EYS: variants seen among roughly 807,000 people sequenced by gnomAD.
The protein encoded by EYS is protein eyes shut homolog.
A neutral mutation model predicts 282.1 loss-of-function variants in EYS; 250 were observed. That is an observed-to-expected ratio of 0.89 (90% confidence interval 0.80 to 0.98). EYS has a LOEUF of 0.98. EYS is among the 50% of genes least tolerant of loss of function. The probability of loss-of-function intolerance (pLI) is 0.00; values close to 1 mark genes in which losing one functional copy is unlikely to be tolerated. For synonymous variants in EYS, 1,355 were observed against 1,282.9 expected (o/e 1.06, Z -1.20); for missense variants, 4,016 against 3,709.0 (o/e 1.08, Z -2.15).
chr6:65,579,340 G>A (rs1366068270), intron 2 of EYS, among the ~76,000 whole-genome samples: 1 of 152,070 alleles, frequency 6.6e-6, no homozygotes, highest in Non-Finnish European at 1.5e-5. Context: ...TGAAGAAAAG[G>A]GGGAATATAA....
Position 63,778,093 on chromosome 6 carries a change from C to T in EYS, c.7811G>A (p.Arg2604His), listed in dbSNP as rs368798160. 1.8e-5 allele frequency: 28 copies of T among 1,551,600 alleles called. No individual in the cohort carries two copies. Among genetic ancestry groups the T allele is most frequent in the African/African-American group, 8.2e-5 (6 of 73,068 alleles). ...AGAAGCATGACACTGGCCAACACTG[C>T]GTCCAGCATTTGGGTGGCCCTCAGG... is the stretch of plus-strand genomic sequence containing the variant. ...GNPEGHPNAG[R>H]SVGQCHASPC... Residue 2604 changes from arginine to histidine, a missense_variant, in exon 40 of 43, where the codon CGC becomes CAC. Coordinates refer to ENST00000503581, the MANE Select transcript of EYS (RefSeq NM_001142800.2).
chr6:65,294,089 G>A (rs1562077632), intron 12 of EYS, among the ~76,000 whole-genome samples: 1 of 151,686 alleles, frequency 6.6e-6, no homozygotes, highest in Non-Finnish European at 1.5e-5. Flanking sequence ...GGTGGAAACG[G>A]AGAAATCAGA....
intron 15 of EYS, among the ~76,000 whole-genome samples, chr6:64,919,111 A>G (rs964306104): frequency 6.6e-6 from 1 of 152,186 alleles, no homozygotes; most frequent in Non-Finnish European, 1.5e-5. Context: ...AGATTAGAGT[A>G]AGCATGTGGT....
intron 33 of EYS, among the ~76,000 whole-genome samples, chr6:64,047,716 T>G (rs771753219): frequency 9.9e-5 from 15 of 152,168 alleles, no homozygotes; most frequent in Non-Finnish European, 1.8e-4. Context: ...GTGAGGTGGA[T>G]ACTGCTATTA....
At chr6:65,439,152 T>C (rs944350550) in intron 5 of EYS, among the ~76,000 whole-genome samples, 5 of 152,170 alleles carry the variant, frequency 3.3e-5, no homozygotes, top group Non-Finnish European at 5.9e-5. Context: ...TTTGTCAAAT[T>C]CAGATGGTTG....
chr6:65,555,772 C>T (rs1208304540), intron 2 of EYS, among the ~76,000 whole-genome samples: 2 of 152,106 alleles, frequency 1.3e-5, no homozygotes, highest in Non-Finnish European at 2.9e-5. Flanking sequence ...TGAATAGTCA[C>T]TATTAGACAT....
At chr6:65,265,042 A>G (rs1767715830) in intron 12 of EYS, among the ~76,000 whole-genome samples, 1 of 152,158 alleles carries the variant, frequency 6.6e-6, no homozygotes, top group African/African-American at 2.4e-5. Context: ...AGCCTACTCC[A>G]TATAAAATTT....
Position 63,834,979 on chromosome 6 carries a change from A to G in EYS, c.7229-28607T>C, listed in dbSNP as rs150378809. 4.7e-3 allele frequency among the ~76,000 whole-genome samples: 680 copies of G among 144,186 alleles called. 5 individuals carry two copies. Among genetic ancestry groups the G allele is most frequent in the Non-Finnish European group, 8.1e-3 (539 of 66,956 alleles). The allele number at this position is 144,186 out of a possible 152,430, so 94.6% of individuals were successfully genotyped here. Reference sequence around the variant, plus strand: ...AGAAAAACAAACACCACACGTTCTCACTCATAGGTGGGAATTGAACAATGA... The same window carrying G: ...AGAAAAACAAACACCACACGTTCTCGCTCATAGGTGGGAATTGAACAATGA... On this transcript the variant is annotated intron_variant, in intron 36 of 42. Coordinates refer to ENST00000503581, the MANE Select transcript of EYS (RefSeq NM_001142800.2).
intron 2 of EYS, among the ~76,000 whole-genome samples, chr6:65,623,756 G>A (rs370033179): frequency 6.6e-6 from 1 of 152,206 alleles, no homozygotes; most frequent in South Asian, 2.1e-4. Context: ...CTTAGATGAT[G>A]TCTAACATGC....
chr6:65,132,299 G>A (rs1775901035), intron 12 of EYS, among the ~76,000 whole-genome samples: 1 of 151,912 alleles, frequency 6.6e-6, no homozygotes, highest in Admixed American at 6.6e-5. Flanking sequence ...GAACATTGAT[G>A]CAAAACCCCT....
chr6:65,528,701 T>C (rs1327141011), intron 2 of EYS, among the ~76,000 whole-genome samples: 1 of 152,180 alleles, frequency 6.6e-6, no homozygotes, highest in Non-Finnish European at 1.5e-5. Flanking sequence ...TAGTCTCGAC[T>C]ATTCTGTTAT....
At chr6:65,607,371 C>G (rs1034026857) in intron 2 of EYS, among the ~76,000 whole-genome samples, 1 of 151,774 alleles carries the variant, frequency 6.6e-6, no homozygotes, top group Admixed American at 6.6e-5. Flanking sequence ...TAAAGTTATT[C>G]TTTCTCAAGT....
intron 12 of EYS, among the ~76,000 whole-genome samples, chr6:65,140,815 T>G (rs1359528534): frequency 1.3e-5 from 2 of 150,570 alleles, no homozygotes; most frequent in Non-Finnish European, 3.0e-5. Flanking sequence ...CCAGTTAGAA[T>G]GGCAATCATT....
chr6:63,993,332 G>T (rs912968357), intron 34 of EYS, among the ~76,000 whole-genome samples: 1 of 150,388 alleles, frequency 6.6e-6, no homozygotes. Context: ...AAAAAAAAAA[G>T]GAACAAAATG....
In EYS at chr6:64,838,936, G is replaced by A. The variant is rs190476667; in HGVS notation, c.2993-16114C>T. Among the ~76,000 whole-genome samples the A allele has an allele frequency of 6.2e-4, 95 of 152,030 alleles. 1 individual carries two copies. The highest frequency in any genetic ancestry group is 2.8e-3 in the Admixed American group (43 of 15,214). ...AGGAGCTGCAGCTCCATGGTAAATT[G>A]TAATCTGTATTGGGAGTTCAATATT... On this transcript the variant is annotated intron_variant, in intron 19 of 42. Transcript: ENST00000503581.
At chr6:64,611,521 C>T (rs1227313039) in intron 24 of EYS, among the ~76,000 whole-genome samples, 2 of 152,170 alleles carry the variant, frequency 1.3e-5, no homozygotes, top group African/African-American at 2.4e-5. Context: ...TTATCCCACA[C>T]ATTATTTGTC....
chr6:64,323,063 A>G (rs1561929396), intron 29 of EYS, among the ~76,000 whole-genome samples: 1 of 152,134 alleles, frequency 6.6e-6, no homozygotes. Context: ...AACTTCACAT[A>G]TCATATATAA....
chr6:64,649,939 A>T (rs1366816679), intron 22 of EYS, among the ~76,000 whole-genome samples: 6 of 152,284 alleles, frequency 3.9e-5, no homozygotes, highest in African/African-American at 1.2e-4. Context: ...GAAATTAACC[A>T]GTTTTTAAGC....
At chr6:64,124,802 T>C (rs1377464260) in intron 31 of EYS, among the ~76,000 whole-genome samples, 1 of 152,096 alleles carries the variant, frequency 6.6e-6, no homozygotes, top group African/African-American at 2.4e-5. Flanking sequence ...GAAATTCAAG[T>C]CAGCATGACA....
Sources: allele counts gnomAD v4.1 joint callset (sites outside exome capture counted in the v4.1 genomes callset), GRCh38; gene constraint gnomAD v4.1.1; transcripts MANE v1.5; gene names NCBI Gene and HGNC (gene_info 2026-07-23, HGNC 2026-07-21).